GRIA2: variants seen among roughly 807,000 people sequenced by gnomAD.
GRIA2 encodes glutamate ionotropic receptor AMPA type subunit 2.
In GRIA2, 14 loss-of-function variants were observed where a neutral mutation model predicts 97.3. The observed-to-expected ratio is 0.14, with a 90% confidence interval of 0.10 to 0.23. The LOEUF is 0.23. GRIA2 is among the 10% of genes least tolerant of loss of function. GRIA2 has a pLI of 1.00. For missense variants in GRIA2, 558 were observed against 1,069.8 expected (o/e 0.52, Z 6.67); for synonymous variants, 412 against 387.8 (o/e 1.06, Z -0.73).
chr4:157,228,870 AC>A (rs1162710708), intron 2 of GRIA2, among the ~76,000 whole-genome samples: 31 of 147,408 alleles, frequency 2.1e-4, no homozygotes, highest in African/African-American at 7.3e-4. Flanking sequence ...AAAAGCAAGA[AC>A]CTTGTTACAA....
chr4:157,252,225 C>T (rs1195640117), intron 2 of GRIA2, among the ~76,000 whole-genome samples: 2 of 152,204 alleles, frequency 1.3e-5, no homozygotes, highest in Non-Finnish European at 2.9e-5. Flanking sequence ...TCTTAACTGT[C>T]ACATGGAAGT....
intron 3 of GRIA2, among the ~76,000 whole-genome samples, chr4:157,307,208 C>T (rs1733883448): frequency 6.6e-6 from 1 of 152,158 alleles, no homozygotes; most frequent in South Asian, 2.1e-4. Context: ...ATGAAAATGA[C>T]TTGAAATTGT....
intron 6 of GRIA2, among the ~76,000 whole-genome samples, chr4:157,329,880 C>A (rs1247944520): frequency 2.6e-5 from 4 of 151,870 alleles, no homozygotes; most frequent in Non-Finnish European, 5.9e-5. Context: ...CGAGGAAAAC[C>A]AGGACCATTG....
intron 2 of GRIA2, among the ~76,000 whole-genome samples, chr4:157,278,884 A>G (rs1232793207): frequency 1.3e-5 from 2 of 152,084 alleles, no homozygotes; most frequent in Admixed American, 1.3e-4. Flanking sequence ...AAGACTTTCC[A>G]CATCATATTT....
chr4:157,265,619 T>C (rs1052331208), intron 2 of GRIA2, among the ~76,000 whole-genome samples: 9 of 152,004 alleles, frequency 5.9e-5, no homozygotes, highest in African/African-American at 2.2e-4. Context: ...TTAGAGTGAG[T>C]TCATATGCAA....
At chr4:157,301,084 C>G (rs1733595230) in intron 2 of GRIA2, among the ~76,000 whole-genome samples, 1 of 151,976 alleles carries the variant, frequency 6.6e-6, no homozygotes. Context: ...GATGACATGC[C>G]CACACTTTGC....
intron 2 of GRIA2, among the ~76,000 whole-genome samples, chr4:157,252,186 C>A (rs1731048872): frequency 6.6e-6 from 1 of 152,188 alleles, no homozygotes; most frequent in African/African-American, 2.4e-5. Flanking sequence ...TTGTATTCTG[C>A]AAAACCAAAT....
chr4:157,235,538 G>T (rs1730205126), intron 2 of GRIA2, among the ~76,000 whole-genome samples: 1 of 151,794 alleles, frequency 6.6e-6, no homozygotes, highest in Non-Finnish European at 1.5e-5. Context: ...AAATTGTAAA[G>T]AAAACATAAA....
At chr4:157,284,726 A>G (rs1579331511) in intron 2 of GRIA2, among the ~76,000 whole-genome samples, 1 of 151,818 alleles carries the variant, frequency 6.6e-6, no homozygotes, top group African/African-American at 2.4e-5. Flanking sequence ...TATCTTCTGT[A>G]ACTTGCTTTT....
intron 12 of GRIA2, among the ~76,000 whole-genome samples, chr4:157,349,669 T>C (rs1735921799): frequency 6.6e-6 from 1 of 152,156 alleles, no homozygotes; most frequent in Non-Finnish European, 1.5e-5. Context: ...AAAATTTGTT[T>C]ATTTATAATG....
intron 2 of GRIA2, among the ~76,000 whole-genome samples, chr4:157,275,734 C>T (rs1007410856): frequency 1.3e-5 from 2 of 151,944 alleles, no homozygotes; most frequent in African/African-American, 4.8e-5. Context: ...CTATATCTCT[C>T]TTTTGGTACC....
chr4:157,306,170 A>G (rs1733834322), intron 3 of GRIA2, among the ~76,000 whole-genome samples: 1 of 152,134 alleles, frequency 6.6e-6, no homozygotes, highest in African/African-American at 2.4e-5. Flanking sequence ...TTAAGAATAC[A>G]CTTCGCCTTC....
intron 2 of GRIA2, 74 bp downstream of exon 2, chr4:157,221,881 TC>T: frequency 7.2e-7 from 1 of 1,390,272 alleles, no homozygotes. Flanking sequence ...TGTGTGCGTT[TC>T]TGGGGTGGTG....
chr4:157,321,241 A>C (rs1044348262), intron 5 of GRIA2, among the ~76,000 whole-genome samples, 197 bp from the exon 6 acceptor site: 4 of 152,158 alleles, frequency 2.6e-5, no homozygotes, highest in African/African-American at 9.7e-5. Flanking sequence ...TTAGGGAACC[A>C]CTATGATGCT....
At chr4:157,336,176 G>A (rs899978069) in intron 10 of GRIA2, among the ~76,000 whole-genome samples, 1 of 152,006 alleles carries the variant, frequency 6.6e-6, no homozygotes, top group African/African-American at 2.4e-5. Flanking sequence ...CAAGCCAGCT[G>A]GGTATACTGT....
chr4:157,353,768 T>C (rs1331586541), intron 12 of GRIA2, among the ~76,000 whole-genome samples: 1 of 152,140 alleles, frequency 6.6e-6, no homozygotes, highest in Non-Finnish European at 1.5e-5. Context: ...TTTAAGAAGC[T>C]GAGAAATTAC....
At chr4:157,291,201 T>G (rs1045666421) in intron 2 of GRIA2, among the ~76,000 whole-genome samples, 1 of 151,972 alleles carries the variant, frequency 6.6e-6, no homozygotes, top group African/African-American at 2.4e-5. Flanking sequence ...TCCAGGGAGC[T>G]TCACGCTCTT....
At position 157,303,628 on chromosome 4, in the gene GRIA2, A is replaced by G. The variant is rs775561258; in HGVS notation, c.306A>G (p.Ser102=). 1.9e-6 allele frequency: 3 copies of G among 1,613,954 alleles called. No homozygotes were observed. The Admixed American group carries it at 5.0e-5, about 27-fold the overall frequency. Residue 102 remains serine (S), a synonymous_variant, in exon 3 of 16, where the codon TCA becomes TCG. Transcript: ENST00000264426. ...AGAAGTCTGTAAATACCATCACATCATTTTGCGGAACACTCCACGTCTCCT... is the reference window on the plus strand; with the variant it reads ...AGAAGTCTGTAAATACCATCACATCGTTTTGCGGAACACTCCACGTCTCCT... ...YDKKSVNTIT[S]FCGTLHVSFI...
intron 4 of GRIA2, among the ~76,000 whole-genome samples, chr4:157,315,168 G>A (rs183452896): frequency 5.3e-5 from 8 of 152,206 alleles, no homozygotes. Flanking sequence ...GTAGATCCAA[G>A]GAAGCAATGT....
Sources: gnomAD v4.1 joint callset for allele counts (sites outside exome capture counted in the v4.1 genomes callset) on GRCh38, gnomAD v4.1.1 for gene constraint, MANE v1.5 for transcripts, NCBI Gene and HGNC (gene_info 2026-07-23, HGNC 2026-07-21) for gene names.